The following RNASE11 variants were observed in gnomAD, a reference collection of about 807,000 sequenced individuals.
RNASE11 encodes the protein ribonuclease A family member 11 (inactive), also known as putative inactive ribonuclease 11.
For missense variants in RNASE11, 252 were observed against 237.8 expected (o/e 1.06, Z -0.39); for synonymous variants, 105 against 86.1 (o/e 1.22, Z -1.21).
At chr14:20,589,103 G>T (rs1031110871), upstream of RNASE11, among the ~76,000 whole-genome samples, 1 of 151,582 alleles carries the variant, frequency 6.6e-6, no homozygotes, top group African/African-American at 2.4e-5. Flanking sequence ...TAAATTTAAT[G>T]CAAAATAATC....
chr14:20,587,054 G>A (rs1884450664), intron 1 of RNASE11, among the ~76,000 whole-genome samples: 1 of 152,210 alleles, frequency 6.6e-6, no homozygotes, highest in South Asian at 2.1e-4. Context: ...TCGGGAGGCT[G>A]AGAGGAGAGG....
chr14:20,589,972 G>A (rs2138899560), upstream of RNASE11, among the ~76,000 whole-genome samples: 1 of 152,304 alleles, frequency 6.6e-6, no homozygotes, highest in Admixed American at 6.5e-5. Context: ...CTTAAGTTTT[G>A]CACCTCAAGT....
At chr14:20,584,353 T>A (rs1328281373) in exon 2 of RNASE11, 2 of 1,614,104 alleles carry the variant, frequency 1.2e-6, no homozygotes, top group Non-Finnish European at 1.7e-6. Flanking sequence ...TTGGCCACTT[T>A]TTGCCATGTC....
exon 2 of RNASE11, chr14:20,583,729 T>G: frequency 1.4e-6 from 1 of 730,810 alleles, no homozygotes; most frequent in Non-Finnish European, 2.1e-6. Context: ...TATCCACAAT[T>G]TTGGATTTTT....
rs1214456995 is a variant in RNASE11, at chr14:20,586,732, G to A, written c.-23+831C>T. Among the ~76,000 whole-genome samples, 5 of 152,160 alleles carry A rather than the reference G, an allele frequency of 3.3e-5. No homozygotes were observed. The East Asian group carries it at 5.8e-4, about 18-fold the overall frequency. On this transcript the variant is annotated intron_variant, in intron 1 of 1. Transcript: ENST00000553849. ...AATAGGGAAACAGAAAGACCAGGAG[G>A]AGAAAGATAAACAGGAAGAAGAGCA...
In RNASE11 at chr14:20,584,374, T is replaced by TC. The variant is rs1884386732; in HGVS notation, c.100dup (p.Glu34GlyfsTer5). The stretch of plus-strand genomic sequence containing the variant: ...ACTTTTTGCCATGTCATATTGCATC[T>TC]CTTCGTCTGTAAATTCTTCTTTAAT... On this transcript the variant is annotated frameshift_variant, in exon 2 of 2. Transcript: ENST00000553849. LOFTEE classifies it low-confidence loss of function (END_TRUNC). The TC allele has an allele frequency of 1.2e-6, 2 of 1,614,242 alleles. No homozygotes were observed. Among genetic ancestry groups the TC allele is most frequent in the African/African-American group, 2.7e-5 (2 of 75,070 alleles).
intron 1 of RNASE11, chr14:20,585,050 T>C (rs1884406904): frequency 2.0e-6 from 2 of 984,910 alleles, no homozygotes; most frequent in Non-Finnish European, 1.2e-6. Flanking sequence ...AAGTTGATCC[T>C]GTAGAGGAAG....
At chr14:20,588,989 G>A (rs1195311537), upstream of RNASE11, among the ~76,000 whole-genome samples, 4 of 152,006 alleles carry the variant, frequency 2.6e-5, no homozygotes, top group Non-Finnish European at 4.4e-5. Flanking sequence ...GTTTCACCAT[G>A]TTGGCCAGGC....
upstream of RNASE11, among the ~76,000 whole-genome samples, chr14:20,589,827 C>A (rs1380188945): frequency 6.6e-6 from 1 of 152,048 alleles, no homozygotes; most frequent in Non-Finnish European, 1.5e-5. Flanking sequence ...GCAGAGGTTG[C>A]AGTGAGCCGA....
At chr14:20,587,050 GGCT>G (rs1266113181) in intron 1 of RNASE11, among the ~76,000 whole-genome samples, 1 of 152,230 alleles carries the variant, frequency 6.6e-6, no homozygotes, top group Non-Finnish European at 1.5e-5. Flanking sequence ...CCACTCGGGA[GGCT>G]GAGAGGAGAG....
chr14:20,587,609 T>C, exon 1 of RNASE11: 1 of 985,362 alleles, frequency 1.0e-6, no homozygotes, highest in Non-Finnish European at 1.2e-6. Context: ...TCTGTTTACC[T>C]GGTGACACCC....
exon 2 of RNASE11, chr14:20,583,573 T>A: frequency 3.3e-6 from 1 of 303,788 alleles, no homozygotes. Context: ...TCTGCCTAGT[T>A]AGGTGGATTC....
At chr14:20,588,126 G>A (rs1884474026), upstream of RNASE11, 1 of 152,042 alleles carries the variant, frequency 6.6e-6, no homozygotes, top group Non-Finnish European at 1.5e-5. Flanking sequence ...TCCAACAATG[G>A]CTATAATATA....
At chr14:20,588,395 G>T (rs1309866998), upstream of RNASE11, 1 of 152,198 alleles carries the variant, frequency 6.6e-6, no homozygotes, top group African/African-American at 2.4e-5. Context: ...AAAGAGAAAA[G>T]AGTTAGTAGT....
At chr14:20,584,836 G>A (rs1884402312) in intron 1 of RNASE11, among the ~76,000 whole-genome samples, 1 of 152,048 alleles carries the variant, frequency 6.6e-6, no homozygotes, top group Non-Finnish European at 1.5e-5. Flanking sequence ...TCATTGGTGG[G>A]GTGTATAATC....
chr14:20,587,855 T>C, upstream of RNASE11: 1 of 985,302 alleles, frequency 1.0e-6, no homozygotes. Flanking sequence ...CTAGCGTAAG[T>C]GCACCTTCTT....
exon 2 of RNASE11, chr14:20,584,328 A>G (rs35238496): frequency 0.062 from 100,067 of 1,611,822 alleles, 3,633 homozygotes; most frequent in African/African-American, 0.14. Context: ...TTAATATCTC[A>G]ATGGTCTGTT....
At chr14:20,588,300 C>T (rs1036129511), upstream of RNASE11, 1 of 152,204 alleles carries the variant, frequency 6.6e-6, no homozygotes, top group Non-Finnish European at 1.5e-5. Flanking sequence ...CTCTCTTTCT[C>T]GTCCTTCTCC....
At chr14:20,583,846 A>G (rs372373883) in exon 2 of RNASE11, 11 of 1,556,780 alleles carry the variant, frequency 7.1e-6, no homozygotes, top group Non-Finnish European at 9.5e-6. Flanking sequence ...CTTCTTTAGT[A>G]AGACCCTAGT....
Sources: allele counts gnomAD v4.1 joint callset (sites outside exome capture counted in the v4.1 genomes callset), GRCh38; gene constraint gnomAD v4.1.1; transcripts MANE v1.5; gene names NCBI Gene and HGNC (gene_info 2026-07-23, HGNC 2026-07-21).